The following MDGA2 variants were observed in gnomAD, a reference collection of about 807,000 sequenced individuals.
The protein encoded by MDGA2 is MAM domain containing glycosylphosphatidylinositol anchor 2, also known as MAM domain-containing glycosylphosphatidylinositol anchor protein 2.
In MDGA2, 40 loss-of-function variants were observed where a neutral mutation model predicts 117.8. That is an observed-to-expected ratio of 0.34 (90% CI 0.26 to 0.44). The LOEUF (loss-of-function observed/expected upper bound fraction) is 0.44. Ranked by LOEUF, MDGA2 falls within the 20% of genes least tolerant of loss-of-function variation. The pLI is 1.00. For synonymous variants in MDGA2, 452 were observed against 439.0 expected (o/e 1.03, Z -0.37); for missense variants, 1,123 against 1,250.6 (o/e 0.90, Z 1.54).
chr14:47,673,050 C>G (rs1001989467), intron 1 of MDGA2, among the ~76,000 whole-genome samples: 3 of 151,876 alleles, frequency 2.0e-5, no homozygotes, highest in African/African-American at 7.3e-5. Flanking sequence ...TCCTTAGAGT[C>G]GGGAGAAAGT....
intron 2 of MDGA2, among the ~76,000 whole-genome samples, chr14:47,226,921 A>T (rs190957554): frequency 8.5e-5 from 13 of 152,206 alleles, no homozygotes; most frequent in East Asian, 7.7e-4. Context: ...CTGACTTGAA[A>T]GTTCTCCCTT....
chr14:47,272,706 T>G (rs1042855756), intron 2 of MDGA2, among the ~76,000 whole-genome samples: 1 of 152,170 alleles, frequency 6.6e-6, no homozygotes, highest in African/African-American at 2.4e-5. Context: ...TTGCAAAAAT[T>G]GACACTTTAA....
intron 7 of MDGA2, among the ~76,000 whole-genome samples, chr14:47,054,997 C>CTT (rs1183791856): frequency 1.3e-4 from 10 of 79,450 alleles, no homozygotes; most frequent in African/African-American, 2.0e-4. Flanking sequence ...ATTTTTTTTT[C>CTT]TTTTCTTTTT....
At chr14:47,669,224 T>C (rs865930232) in intron 1 of MDGA2, among the ~76,000 whole-genome samples, 5 of 152,116 alleles carry the variant, frequency 3.3e-5, no homozygotes, top group African/African-American at 9.7e-5. Context: ...AATAAAAATA[T>C]TGGCAAAATA....
At chr14:47,516,427 C>G (rs1220102140) in intron 1 of MDGA2, among the ~76,000 whole-genome samples, 2 of 152,090 alleles carry the variant, frequency 1.3e-5, no homozygotes, top group African/African-American at 2.4e-5. Context: ...GCGTGTGGAG[C>G]CTTAGATTCA....
At chr14:47,315,633 A>G (rs1889784418) in intron 1 of MDGA2, among the ~76,000 whole-genome samples, 1 of 152,198 alleles carries the variant, frequency 6.6e-6, no homozygotes, top group African/African-American at 2.4e-5. Flanking sequence ...TTTTCAATTC[A>G]TTTGTGTAGC....
chr14:47,405,984 C>A (rs1892252733), intron 1 of MDGA2, among the ~76,000 whole-genome samples: 1 of 152,044 alleles, frequency 6.6e-6, no homozygotes, highest in South Asian at 2.1e-4. Context: ...TTCAGTATAA[C>A]TAAAATATTC....
intron 1 of MDGA2, among the ~76,000 whole-genome samples, chr14:47,439,698 C>T (rs557731126): frequency 1.4e-4 from 21 of 151,214 alleles, no homozygotes; most frequent in Admixed American, 1.2e-3. Context: ...CATATATGTG[C>T]GTATGTGTGT....
At chr14:47,594,477 T>A (rs1479582318) in intron 1 of MDGA2, among the ~76,000 whole-genome samples, 2 of 152,226 alleles carry the variant, frequency 1.3e-5, no homozygotes, top group Non-Finnish European at 2.9e-5. Context: ...AGAGTTGTTT[T>A]CATTGGAAAG....
At chr14:47,008,151 T>C (rs900575116) in intron 8 of MDGA2, among the ~76,000 whole-genome samples, 1 of 151,878 alleles carries the variant, frequency 6.6e-6, no homozygotes, top group Admixed American at 6.6e-5. Flanking sequence ...ATATAAATTA[T>C]GTGGACCAGG....
chr14:47,360,999 A>T (rs1337036431), intron 1 of MDGA2, among the ~76,000 whole-genome samples: 3 of 152,158 alleles, frequency 2.0e-5, no homozygotes, highest in Admixed American at 2.0e-4. Context: ...TAATAAGTCT[A>T]GAGATCTAAT....
chr14:47,329,802 T>C (rs940095760), intron 1 of MDGA2, among the ~76,000 whole-genome samples: 1 of 151,942 alleles, frequency 6.6e-6, no homozygotes, highest in African/African-American at 2.4e-5. Context: ...CACAGAACTC[T>C]AGGTAATCTA....
chr14:47,047,237 C>T (rs1362082408), intron 7 of MDGA2, among the ~76,000 whole-genome samples: 1 of 151,976 alleles, frequency 6.6e-6, no homozygotes, highest in Admixed American at 6.6e-5. Context: ...GTTTGGAAGA[C>T]TTGTAAATTT....
At chr14:47,492,571 T>G (rs999270372) in intron 1 of MDGA2, among the ~76,000 whole-genome samples, 1 of 152,106 alleles carries the variant, frequency 6.6e-6, no homozygotes, top group Non-Finnish European at 1.5e-5. Context: ...GAAACTGTTT[T>G]GTACTTTAGC....
At chr14:47,037,522 T>C (rs1888899481) in intron 7 of MDGA2, among the ~76,000 whole-genome samples, 1 of 152,216 alleles carries the variant, frequency 6.6e-6, no homozygotes, top group South Asian at 2.1e-4. Flanking sequence ...ACAAAATCCC[T>C]GCCTGTCACT....
chr14:47,094,767 C>T (rs1234784875), intron 6 of MDGA2, among the ~76,000 whole-genome samples: 3 of 149,170 alleles, frequency 2.0e-5, no homozygotes, highest in Non-Finnish European at 3.0e-5. Context: ...TATTTTATGC[C>T]TACTTAGAAA....
chr14:47,601,399 T>TA (rs1566535516), intron 1 of MDGA2, among the ~76,000 whole-genome samples: 35 of 151,618 alleles, frequency 2.3e-4, no homozygotes, highest in African/African-American at 2.2e-4. Context: ...GCAAATTTTT[T>TA]TAAAAAAAAA....
intron 1 of MDGA2, among the ~76,000 whole-genome samples, chr14:47,564,964 T>C (rs890113457): frequency 6.6e-6 from 1 of 152,210 alleles, no homozygotes; most frequent in South Asian, 2.1e-4. Flanking sequence ...TCAGCTCAGT[T>C]TGGCTCTTTC....
intron 4 of MDGA2, among the ~76,000 whole-genome samples, chr14:47,139,207 C>T (rs893678078): frequency 7.3e-4 from 111 of 151,924 alleles, no homozygotes; most frequent in African/African-American, 2.5e-3. Context: ...TGAACCCTTC[C>T]ACCATATATA....
Sources: allele counts gnomAD v4.1 joint callset (sites outside exome capture counted in the v4.1 genomes callset), GRCh38; gene constraint gnomAD v4.1.1; transcripts MANE v1.5; gene names NCBI Gene and HGNC (gene_info 2026-07-23, HGNC 2026-07-21).